Variants in LIG1 observed in about 807,000 individuals in gnomAD.
LIG1 encodes the protein ligase I, DNA, ATP-dependent.
In LIG1, 70 loss-of-function variants were observed where a neutral mutation model predicts 115.7. The observed-to-expected ratio is 0.60, with a 90% confidence interval of 0.50 to 0.74. The LOEUF (loss-of-function observed/expected upper bound fraction) is 0.74. Ranked by LOEUF, LIG1 falls within the 30% of genes least tolerant of loss-of-function variation. LIG1 has a pLI of 0.00. For synonymous variants in LIG1, 487 were observed against 495.3 expected (o/e 0.98, Z 0.22); for missense variants, 1,115 against 1,225.6 (o/e 0.91, Z 1.35).
At chr19:48,162,433 CTTTTTTT>C in intron 2 of LIG1, 82 bp from the exon 3 acceptor site, 4 of 632,004 alleles carry the variant, frequency 6.3e-6, no homozygotes, top group Non-Finnish European at 1.0e-5. Flanking sequence ...CTATAACTTC[CTTTTTTT>C]TTTTTTTTTT....
At chr19:48,138,176 C>A (rs1035660854) in intron 12 of LIG1, among the ~76,000 whole-genome samples, 2 of 152,076 alleles carry the variant, frequency 1.3e-5, no homozygotes, top group Non-Finnish European at 2.9e-5. Flanking sequence ...AGAGCTGGGT[C>A]CCATGGGCGC....
At position 48,117,798 on chromosome 19, in the gene LIG1, AAG is replaced by A; in HGVS notation, c.2440-19_2440-18del. ...CACCAGCGCCTGCAGTGAGCAGAGG[AAG>A]AGAGGAACAGAGGGTCTGGAATCTC... is the stretch of plus-strand genomic sequence containing the variant. On this transcript the variant is annotated intron_variant, in intron 25 of 27. Coordinates refer to ENST00000263274, the MANE Select transcript of LIG1 (RefSeq NM_000234.3). 1 of 1,611,080 alleles carries A rather than the reference AAG, an allele frequency of 6.2e-7. No homozygotes were observed. The highest frequency in any genetic ancestry group is 8.5e-7 in the Non-Finnish European group (1 of 1,179,066).
chr19:48,126,968 T>C (rs1354848700), intron 21 of LIG1: 3 of 385,518 alleles, frequency 7.8e-6, no homozygotes. Flanking sequence ...AATCCTCTAA[T>C]ATCTGGCTTA....
At chr19:48,146,554 C>G (rs112372375) in intron 9 of LIG1, among the ~76,000 whole-genome samples, 2 of 152,184 alleles carry the variant, frequency 1.3e-5, no homozygotes. Flanking sequence ...GTGGCGCATG[C>G]CTGTAATCCC....
At chr19:48,144,585 T>A (rs1387000267) in intron 9 of LIG1, among the ~76,000 whole-genome samples, 1 of 151,442 alleles carries the variant, frequency 6.6e-6, no homozygotes, top group Non-Finnish European at 1.5e-5. Flanking sequence ...CGCTGCAACC[T>A]CTGCCTCCTG....
At chr19:48,144,052 C>T (rs1320418370) in intron 9 of LIG1, 89 bp from the exon 10 acceptor site, 23 of 1,076,790 alleles carry the variant, frequency 2.1e-5, no homozygotes, top group Non-Finnish European at 3.2e-5. Context: ...AGGCTCTGTT[C>T]AAGGCACACG....
chr19:48,170,288 G>A lies in LIG1; in HGVS notation c.-105C>T, dbSNP rs1056682332. Reference sequence around the variant, plus strand: ...CTGCCCGGGCAACACACTCAGATCCGCCAGGCGCGCCTCTGCAGTCCCAAG... The same window carrying A: ...CTGCCCGGGCAACACACTCAGATCCACCAGGCGCGCCTCTGCAGTCCCAAG... On this transcript the variant is annotated 5_prime_UTR_variant, in exon 1 of 28. Transcript: ENST00000263274. 4.4e-6 allele frequency: 2 copies of A among 454,098 alleles called. No individual in the cohort carries two copies. Among genetic ancestry groups the A allele is most frequent in the Admixed American group, 4.7e-5 (2 of 42,486 alleles). 28.1% of individuals were successfully genotyped at this position (454,098 alleles called of 1,614,324 possible).
chr19:48,126,606 CAAA>C (rs1053509897), intron 21 of LIG1, among the ~76,000 whole-genome samples: 1 of 103,574 alleles, frequency 9.7e-6, no homozygotes, highest in Admixed American at 1.1e-4. Context: ...ACTCTTATCT[CAAA>C]AAAAAAAAAA....
At chr19:48,162,784 T>G (rs1410797612) in intron 2 of LIG1, among the ~76,000 whole-genome samples, 1 of 152,104 alleles carries the variant, frequency 6.6e-6, no homozygotes, top group Non-Finnish European at 1.5e-5. Flanking sequence ...GAATTTCAAA[T>G]AAGCCCTTTA....
At chr19:48,132,626 C>T (rs1010756354) in intron 18 of LIG1, among the ~76,000 whole-genome samples, 1 of 151,604 alleles carries the variant, frequency 6.6e-6, no homozygotes, top group Non-Finnish European at 1.5e-5. Flanking sequence ...CTCGTCTCTA[C>T]TAAAAATACA....
At chr19:48,146,486 T>C (rs982489525) in intron 9 of LIG1, among the ~76,000 whole-genome samples, 2 of 152,162 alleles carry the variant, frequency 1.3e-5, no homozygotes, top group East Asian at 3.9e-4. Flanking sequence ...ATGATTAAAG[T>C]TTAAGTCTAA....
intron 4 of LIG1, 42 bp downstream of exon 4, chr19:48,161,330 T>TA (rs753563536): frequency 1.8e-4 from 296 of 1,613,648 alleles, no homozygotes; most frequent in Non-Finnish European, 2.4e-4. Flanking sequence ...TAATGGGAAT[T>TA]AGTTTCTTCT....
Position 48,170,315 on chromosome 19 carries a change from T to G in LIG1, c.-132A>C, listed in dbSNP as rs1371652414. 2.2e-6 allele frequency: 1 copy of G among 448,834 alleles called. No individual in the cohort carries two copies. The highest frequency in any genetic ancestry group is 1.6e-5 in the South Asian group (1 of 64,070). 27.8% of individuals were successfully genotyped at this position (448,834 alleles called of 1,614,324 possible). ...CAGGCGCGCCTCTGCAGTCCCAAGTTCGCGCCACGGCATTCGCGCGCAGAC... is the reference window on the plus strand; with the variant it reads ...CAGGCGCGCCTCTGCAGTCCCAAGTGCGCGCCACGGCATTCGCGCGCAGAC... On this transcript the variant is annotated 5_prime_UTR_variant, in exon 1 of 28. Coordinates refer to ENST00000263274, the MANE Select transcript of LIG1 (RefSeq NM_000234.3).
intron 4 of LIG1, among the ~76,000 whole-genome samples, chr19:48,159,811 G>A (rs940966793): frequency 3.0e-4 from 46 of 152,152 alleles, no homozygotes; most frequent in African/African-American, 9.6e-4. Flanking sequence ...TCCGCCTCCC[G>A]GGTTCACGCC....
intron 26 of LIG1, among the ~76,000 whole-genome samples, chr19:48,117,086 G>A (rs528650901): frequency 2.6e-4 from 40 of 151,952 alleles, no homozygotes; most frequent in Non-Finnish European, 5.3e-4. Flanking sequence ...TGCCTGCCTC[G>A]GCCTCCCAAA....
intron 19 of LIG1, 88 bp from the exon 20 acceptor site, chr19:48,128,108 T>A (rs2033792943): frequency 1.9e-6 from 2 of 1,036,208 alleles, no homozygotes; most frequent in Non-Finnish European, 3.0e-6. Context: ...TCCCTTTTCC[T>A]TCTGCAGCTC....
At chr19:48,156,117 C>G (rs1323112115) in intron 5 of LIG1, among the ~76,000 whole-genome samples, 1 of 152,126 alleles carries the variant, frequency 6.6e-6, no homozygotes, top group Non-Finnish European at 1.5e-5. Flanking sequence ...TTTCCAGGAC[C>G]TTCTCACCTC....
intron 8 of LIG1, 118 bp from the exon 9 acceptor site, chr19:48,149,959 G>A: frequency 1.3e-6 from 2 of 1,558,592 alleles, no homozygotes; most frequent in East Asian, 2.3e-5. Flanking sequence ...GGCTGGTAGA[G>A]ACAAGGCCGA....
chr19:48,118,245 C>T (rs900965450), intron 25 of LIG1, among the ~76,000 whole-genome samples: 1 of 152,152 alleles, frequency 6.6e-6, no homozygotes, highest in Non-Finnish European at 1.5e-5. Flanking sequence ...TGTGTCCCCA[C>T]CCACATCTTG....
Sources: gnomAD v4.1 joint callset for allele counts (sites outside exome capture counted in the v4.1 genomes callset) on GRCh38, gnomAD v4.1.1 for gene constraint, MANE v1.5 for transcripts, NCBI Gene and HGNC (gene_info 2026-07-23, HGNC 2026-07-21) for gene names.